ZNF420: variants seen among roughly 807,000 people sequenced by gnomAD.
The protein encoded by ZNF420 is ATM and p53-associated KZNF protein.
A neutral mutation model predicts 44.7 loss-of-function variants in ZNF420; 31 were observed. The observed-to-expected ratio is 0.69, with a 90% CI of 0.52 to 0.94. The LOEUF (loss-of-function observed/expected upper bound fraction) is 0.94, where lower values mean the gene tolerates loss of function less well. Ranked by LOEUF, ZNF420 falls within the 40% of genes least tolerant of loss-of-function variation. ZNF420 has a pLI of 0.00. For synonymous variants in ZNF420, 245 were observed against 267.4 expected (o/e 0.92, Z 0.82); for missense variants, 681 against 827.9 (o/e 0.82, Z 2.18).
At chr19:37,119,896 C>A (rs1970926433) in intron 4 of ZNF420, among the ~76,000 whole-genome samples, 1 of 146,404 alleles carries the variant, frequency 6.8e-6, no homozygotes, top group African/African-American at 2.7e-5. Context: ...TTCCTTGACA[C>A]ATACACCCTC....
chr19:37,097,917 G>T (rs946270199), intron 4 of ZNF420, among the ~76,000 whole-genome samples: 2 of 152,138 alleles, frequency 1.3e-5, no homozygotes, highest in African/African-American at 4.8e-5. Flanking sequence ...GACTAGGGTA[G>T]ATTACAATAT....
chr19:37,036,840 T>C (rs1191040403), intron 1 of ZNF420, among the ~76,000 whole-genome samples: 2 of 152,346 alleles, frequency 1.3e-5, no homozygotes, highest in East Asian at 3.9e-4. Context: ...GAGTTACAAA[T>C]GAAGCTAACA....
At chr19:37,109,343 T>C (rs1359618949) in intron 4 of ZNF420, 2 of 152,190 alleles carry the variant, frequency 1.3e-5, no homozygotes, top group Non-Finnish European at 2.9e-5. Flanking sequence ...ACAGGCCCAG[T>C]AGGTATAATT....
chr19:37,011,974 C>T (rs1030439486), intron 1 of ZNF420, among the ~76,000 whole-genome samples: 3 of 152,180 alleles, frequency 2.0e-5, no homozygotes, highest in Non-Finnish European at 2.9e-5. Context: ...AATTTTCAGC[C>T]GACACCACGC....
chr19:37,031,461 T>C (rs1251634737), intron 1 of ZNF420, among the ~76,000 whole-genome samples: 1 of 152,138 alleles, frequency 6.6e-6, no homozygotes, highest in East Asian at 1.9e-4. Context: ...TGTGGATATC[T>C]GCCATCCTCT....
chr19:37,015,361 G>A (rs1201925422), intron 1 of ZNF420, among the ~76,000 whole-genome samples: 1 of 152,054 alleles, frequency 6.6e-6, no homozygotes, highest in Non-Finnish European at 1.5e-5. Flanking sequence ...CCCACCCCGG[G>A]GAGCCACTCT....
intron 1 of ZNF420, among the ~76,000 whole-genome samples, chr19:37,029,349 C>T (rs1967209812): frequency 6.6e-6 from 1 of 152,138 alleles, no homozygotes; most frequent in African/African-American, 2.4e-5. Context: ...CTAATCAAAG[C>T]ATTCCCGCAT....
intron 4 of ZNF420, among the ~76,000 whole-genome samples, chr19:37,122,273 G>C (rs1162769568): frequency 2.6e-5 from 4 of 152,054 alleles, no homozygotes; most frequent in East Asian, 3.9e-4. Flanking sequence ...CCATGGAATA[G>C]TATGCAGCCA....
chr19:37,072,958 A>C (rs561792523), intron 1 of ZNF420, among the ~76,000 whole-genome samples: 1 of 152,352 alleles, frequency 6.6e-6, no homozygotes, highest in South Asian at 2.1e-4. Context: ...GTAGTAAGTG[A>C]TGTTTTTGAT....
chr19:37,014,354 G>A (rs1425332676), intron 1 of ZNF420, among the ~76,000 whole-genome samples: 1 of 152,082 alleles, frequency 6.6e-6, no homozygotes, highest in African/African-American at 2.4e-5. Context: ...CTGTGCCCCA[G>A]CGACCCCCTT....
intron 2 of ZNF420, among the ~76,000 whole-genome samples, chr19:37,087,648 T>TTTTG (rs1168272690): frequency 2.6e-5 from 4 of 152,078 alleles, no homozygotes; most frequent in African/African-American, 7.2e-5. Flanking sequence ...CTTCTAGCTT[T>TTTTG]TTTGTTTGTT....
intron 1 of ZNF420, among the ~76,000 whole-genome samples, chr19:37,019,761 A>T (rs971575760): frequency 4.3e-5 from 6 of 138,384 alleles, no homozygotes; most frequent in African/African-American, 1.7e-4. Context: ...AGAAAGACTC[A>T]TCTGTCACAA....
intron 1 of ZNF420, among the ~76,000 whole-genome samples, chr19:37,065,887 T>C (rs1967959614): frequency 6.6e-6 from 1 of 152,118 alleles, no homozygotes; most frequent in South Asian, 2.1e-4. Context: ...CAACTTGATA[T>C]CCATACAGAA....
Position 37,129,104 on chromosome 19 carries a change from TAGC to T in ZNF420, c.*51_*53del. On this transcript the variant is annotated 3_prime_UTR_variant, in exon 5 of 5. Transcript: ENST00000337995. The stretch of plus-strand genomic sequence containing the variant: ...CACTATGAAGAGGTTCTCTGGTTGT[TAGC>T]AGCAAAGAATTCTCACAAATGTGAA... The T allele has an allele frequency of 1.9e-6, 3 of 1,560,728 alleles. No homozygotes were observed. Among genetic ancestry groups the T allele is most frequent in the Non-Finnish European group, 2.6e-6 (3 of 1,151,928 alleles).
intron 1 of ZNF420, among the ~76,000 whole-genome samples, chr19:37,021,507 T>G (rs1005087459): frequency 1.2e-4 from 18 of 152,232 alleles, no homozygotes; most frequent in East Asian, 3.9e-4. Flanking sequence ...TCTCAGGTGA[T>G]CCGCCTGCCT....
At chr19:37,116,282 T>C (rs940725007) in intron 4 of ZNF420, among the ~76,000 whole-genome samples, 5 of 150,126 alleles carry the variant, frequency 3.3e-5, no homozygotes, top group Admixed American at 1.3e-4. Flanking sequence ...GGCAAGAGAA[T>C]TGCTTGAATC....
chr19:37,099,780 C>T lies in ZNF420; in HGVS notation c.136+8659C>T, dbSNP rs557559790. 1.7e-3 allele frequency among the ~76,000 whole-genome samples: 260 copies of T among 152,190 alleles called. 3 individuals carry two copies. The highest frequency in any genetic ancestry group is 5.0e-3 in the African/African-American group (209 of 41,518). On this transcript the variant is annotated intron_variant, in intron 4 of 4. Transcript: ENST00000337995. The stretch of plus-strand genomic sequence containing the variant: ...CTGGGACTACAGGCACATGCCACCA[C>T]GCCCGGCTAATTTTTTGTATTTTTA...
At chr19:37,110,306 G>A (rs909178580) in intron 4 of ZNF420, among the ~76,000 whole-genome samples, 1 of 152,168 alleles carries the variant, frequency 6.6e-6, no homozygotes, top group African/African-American at 2.4e-5. Flanking sequence ...CCTCTTGAGT[G>A]GGCAGGTGTA....
intron 1 of ZNF420, among the ~76,000 whole-genome samples, chr19:37,008,352 T>C (rs1568416321): frequency 6.6e-6 from 1 of 152,216 alleles, no homozygotes; most frequent in Non-Finnish European, 1.5e-5. Context: ...GAATGTGCCC[T>C]GTGCGCCAAA....
Sources: gnomAD v4.1 joint callset for allele counts (sites outside exome capture counted in the v4.1 genomes callset) on GRCh38, gnomAD v4.1.1 for gene constraint, MANE v1.5 for transcripts, NCBI Gene and HGNC (gene_info 2026-07-23, HGNC 2026-07-21) for gene names.